IP6K1: variants seen among roughly 807,000 people sequenced by gnomAD.
IP6K1 encodes ATP:1D-myo-inositol-hexakisphosphate phosphotransferase.
Under a neutral mutation model 38.3 loss-of-function variants are expected in IP6K1, and 13 were observed. The ratio of observed to expected loss-of-function variants is 0.34; its 90% CI spans 0.22 to 0.54. The LOEUF (loss-of-function observed/expected upper bound fraction) is 0.54. IP6K1 is among the 20% of genes least tolerant of loss of function. The pLI is 0.92. For synonymous variants in IP6K1, 212 were observed against 229.9 expected, an observed-to-expected ratio of 0.92 and a Z score of 0.70; for missense variants, 397 against 599.8, an observed-to-expected ratio of 0.66 and a Z score of 3.53.
intron 1 of IP6K1, among the ~76,000 whole-genome samples, chr3:49,779,473 T>C (rs2081046661): frequency 6.6e-6 from 1 of 152,156 alleles, no homozygotes; most frequent in South Asian, 2.1e-4. Flanking sequence ...TTCTCTTGGG[T>C]AGATAGCCAG....
intron 1 of IP6K1, among the ~76,000 whole-genome samples, chr3:49,770,526 T>C (rs1366576177): frequency 6.6e-6 from 1 of 152,022 alleles, no homozygotes; most frequent in African/African-American, 2.4e-5. Context: ...TCACCTGTAG[T>C]CTTAGCTACG....
At chr3:49,764,326 G>A (rs1382721074) in intron 1 of IP6K1, among the ~76,000 whole-genome samples, 2 of 152,046 alleles carry the variant, frequency 1.3e-5, no homozygotes, top group East Asian at 1.9e-4. Flanking sequence ...ATGCTGCAGT[G>A]CGTTATGATT....
intron 1 of IP6K1, among the ~76,000 whole-genome samples, chr3:49,773,584 A>G (rs188310584): frequency 8.3e-4 from 126 of 152,340 alleles, no homozygotes; most frequent in East Asian, 2.7e-3. Flanking sequence ...GCACCACTGC[A>G]CTCCAGCCTG....
In IP6K1 at chr3:49,747,806, C is replaced by A; in HGVS notation, c.223+12G>T. On this transcript the variant is annotated intron_variant, in intron 2 of 5. Transcript: ENST00000321599. The stretch of plus-strand genomic sequence containing the variant: ...AAGGCTGCTGCTTTCATTAAACTGG[C>A]CAGTGACTGACCTTTGTATTCAGGG... The A allele has an allele frequency of 6.2e-7, 1 of 1,614,050 alleles. No individual in the cohort carries two copies. The highest frequency in any genetic ancestry group is 8.5e-7 in the Non-Finnish European group (1 of 1,179,982).
chr3:49,759,047 C>G (rs1235725653), intron 1 of IP6K1, among the ~76,000 whole-genome samples: 1 of 149,892 alleles, frequency 6.7e-6, no homozygotes, highest in Non-Finnish European at 1.5e-5. Context: ...TGTGGGCTAG[C>G]AAATAGTTTA....
chr3:49,765,235 A>G (rs953084350), intron 1 of IP6K1, among the ~76,000 whole-genome samples: 1 of 152,196 alleles, frequency 6.6e-6, no homozygotes, highest in African/African-American at 2.4e-5. Flanking sequence ...CCAGATCTAC[A>G]AGAAATGCTA....
chr3:49,752,756 C>CTTTT (rs769412230), intron 1 of IP6K1, among the ~76,000 whole-genome samples: 3 of 136,598 alleles, frequency 2.2e-5, no homozygotes, highest in Non-Finnish European at 4.8e-5. Flanking sequence ...TGCGCCTAGC[C>CTTTT]TTTTTTTTTT....
chr3:49,744,167 C>G lies in IP6K1; in HGVS notation c.223+3651G>C, dbSNP rs531785186. ...CCTGTAATCCCAGCACTTTGGGAGG[C>G]CGAGGCAGGTGGATCACAAGGTCAG... On this transcript the variant is annotated intron_variant, in intron 2 of 5. Transcript: ENST00000321599. 4.0e-5 allele frequency among the ~76,000 whole-genome samples: 6 copies of G among 151,024 alleles called. No individual in the cohort carries two copies. The East Asian group carries it at 1.2e-3, about 30-fold the overall frequency.
intron 1 of IP6K1, among the ~76,000 whole-genome samples, chr3:49,774,423 A>AG (rs1483790020): frequency 6.6e-6 from 1 of 150,772 alleles, no homozygotes; most frequent in Admixed American, 6.6e-5. Context: ...AAAAAAAAAA[A>AG]AAAAAAGAAA....
intron 3 of IP6K1, among the ~76,000 whole-genome samples, chr3:49,733,854 G>C (rs531420416): frequency 6.6e-6 from 1 of 152,332 alleles, no homozygotes; most frequent in African/African-American, 2.4e-5. Context: ...TCAAGGCCAG[G>C]CACTGTGGGT....
chr3:49,748,137 T>C lies in IP6K1; in HGVS notation c.-97A>G, dbSNP rs1377790035. The stretch of plus-strand genomic sequence containing the variant: ...AAGGTCCTGGCCAGGTGAAAGCCAA[T>C]GGTCAGATTCTATTCAGCTTATTAT... On this transcript the variant is annotated 5_prime_UTR_variant, in exon 2 of 6. Transcript: ENST00000321599. 2.9e-5 allele frequency: 36 copies of C among 1,228,096 alleles called. No homozygotes were observed. Among genetic ancestry groups the C allele is most frequent in the Non-Finnish European group, 3.8e-5 (32 of 848,034 alleles). 76.1% of individuals were successfully genotyped at this position (1,228,096 alleles called of 1,614,324 possible).
At chr3:49,754,266 C>T (rs559111744) in intron 1 of IP6K1, among the ~76,000 whole-genome samples, 1 of 151,936 alleles carries the variant, frequency 6.6e-6, no homozygotes, top group East Asian at 1.9e-4. Context: ...GTCCCAGCTA[C>T]TCAGGAGACT....
At chr3:49,784,452 C>G (rs1256450383) in intron 1 of IP6K1, among the ~76,000 whole-genome samples, 1 of 151,998 alleles carries the variant, frequency 6.6e-6, no homozygotes, top group Non-Finnish European at 1.5e-5. Context: ...CGAGATCAGC[C>G]TGAACAACAT....
intron 1 of IP6K1, among the ~76,000 whole-genome samples, chr3:49,753,090 AAAAAAT>A (rs2080792732): frequency 6.6e-6 from 1 of 152,080 alleles, no homozygotes; most frequent in South Asian, 2.1e-4. Context: ...TGAGACTGTC[AAAAAAT>A]AAAAAGTCCA....
At chr3:49,742,725 CCT>C (rs1401726932) in intron 2 of IP6K1, among the ~76,000 whole-genome samples, 14 of 151,476 alleles carry the variant, frequency 9.2e-5, no homozygotes, top group Non-Finnish European at 2.1e-4. Context: ...ATGGTGAGAC[CCT>C]GTCTCTACAA....
At chr3:49,764,069 T>C (rs1449575014) in intron 1 of IP6K1, among the ~76,000 whole-genome samples, 2 of 151,808 alleles carry the variant, frequency 1.3e-5, no homozygotes, top group African/African-American at 4.8e-5. Context: ...TCTTCCTCAC[T>C]TAATAAAGGG....
chr3:49,728,602 G>A (rs2080534070), intron 4 of IP6K1, among the ~76,000 whole-genome samples: 1 of 151,844 alleles, frequency 6.6e-6, no homozygotes, highest in Non-Finnish European at 1.5e-5. Flanking sequence ...TTGAAACGGA[G>A]TCTCGCTCTG....
chr3:49,777,238 A>G (rs1410067647), intron 1 of IP6K1, among the ~76,000 whole-genome samples: 1 of 152,114 alleles, frequency 6.6e-6, no homozygotes, highest in Non-Finnish European at 1.5e-5. Flanking sequence ...TCTGTCTCCA[A>G]AAACAGAAAT....
intron 1 of IP6K1, among the ~76,000 whole-genome samples, chr3:49,754,391 A>G (rs1485196710): frequency 1.3e-5 from 2 of 151,978 alleles, no homozygotes; most frequent in African/African-American, 4.8e-5. Flanking sequence ...AAAAAAAAAA[A>G]AGATGAATCA....
Sources: gnomAD v4.1 joint callset for allele counts (sites outside exome capture counted in the v4.1 genomes callset) on GRCh38, gnomAD v4.1.1 for gene constraint, MANE v1.5 for transcripts, NCBI Gene and HGNC (gene_info 2026-07-23, HGNC 2026-07-21) for gene names.